MAST2: variants seen among roughly 807,000 people sequenced by gnomAD.
The protein encoded by MAST2 is microtubule-associated serine/threonine-protein kinase 2.
In MAST2, 70 loss-of-function variants were observed where a neutral mutation model predicts 147.4. The ratio of observed to expected loss-of-function variants is 0.47; its 90% confidence interval spans 0.39 to 0.58. The LOEUF (loss-of-function observed/expected upper bound fraction) is 0.58, where lower values mean the gene tolerates loss of function less well. Among genes scored for constraint, MAST2 ranks in the 20% least tolerant of loss-of-function variants. MAST2 has a pLI of 0.00. For missense variants in MAST2, 2,080 were observed against 2,302.3 expected, an observed-to-expected ratio of 0.90 and a Z score of 1.98; for synonymous variants, 869 against 896.8, an observed-to-expected ratio of 0.97 and a Z score of 0.55.
At chr1:45,878,613 A>G (rs963770874) in intron 3 of MAST2, among the ~76,000 whole-genome samples, 1 of 152,152 alleles carries the variant, frequency 6.6e-6, no homozygotes, top group Non-Finnish European at 1.5e-5. Context: ...AATCTAAGGA[A>G]TGTACAAAAC....
At chr1:46,030,069 G>A in intron 20 of MAST2, 60 bp from the exon 21 acceptor site, 1 of 1,605,806 alleles carries the variant, frequency 6.2e-7, no homozygotes, top group East Asian at 2.2e-5. Context: ...AAATCTAATG[G>A]GGTCACAAGG....
intron 3 of MAST2, among the ~76,000 whole-genome samples, chr1:45,842,034 A>G (rs1012936399): frequency 1.1e-4 from 16 of 152,280 alleles, no homozygotes; most frequent in African/African-American, 3.1e-4. Context: ...TTACTTTTCA[A>G]TTTTTCAGAT....
chr1:46,025,937 G>A (rs1283899193), intron 16 of MAST2, 122 bp downstream of exon 16: 8 of 1,276,798 alleles, frequency 6.3e-6, no homozygotes, highest in Non-Finnish European at 5.6e-6. Flanking sequence ...GCTCCTGTGT[G>A]TGTCCATCTG....
At chr1:46,029,375 C>A in intron 18 of MAST2, 91 bp from the exon 19 acceptor site, 1 of 1,094,822 alleles carries the variant, frequency 9.1e-7, no homozygotes, top group Non-Finnish European at 1.3e-6. Flanking sequence ...TCCTTTTTGC[C>A]TCCTTTCCTT....
chr1:45,977,301 G>T (rs568163174), intron 5 of MAST2, among the ~76,000 whole-genome samples: 49 of 150,918 alleles, frequency 3.2e-4, no homozygotes, highest in Non-Finnish European at 4.7e-4. Flanking sequence ...CAGCCTGGCT[G>T]ACATGGTGAA....
intron 3 of MAST2, among the ~76,000 whole-genome samples, chr1:45,875,584 C>G (rs1319406415): frequency 6.6e-6 from 1 of 151,902 alleles, no homozygotes; most frequent in Non-Finnish European, 1.5e-5. Flanking sequence ...GAAAGGGAGA[C>G]CAATTAGGAG....
rs200546761 is a variant in MAST2 at position 46,023,324 on chromosome 1, G to C, written c.1571+6G>C. The stretch of plus-strand genomic sequence containing the variant: ...ATCAGCAATGGCGCCTATGGGTAAA[G>C]GCAGGGGTCAGGGTGTGGCCAGGAC... On this transcript the variant is annotated splice_donor_region_variant and intron_variant, in intron 14 of 28. Transcript: ENST00000361297. This position sits in a 1 kb window ranked among gnomAD's most constrained non-coding sequence, Gnocchi z 4.9. 1.1e-3 allele frequency: 1,733 copies of C among 1,613,726 alleles called. 19 individuals are homozygous for C. The South Asian group carries it at 0.014, about 13-fold the overall frequency.
In MAST2 at chr1:46,035,371, C is replaced by A; in HGVS notation, c.4702C>A (p.Leu1568Met). The A allele has an allele frequency of 6.2e-7, 1 of 1,613,202 alleles. No homozygotes were observed. The highest frequency in any genetic ancestry group is 8.5e-7 in the Non-Finnish European group (1 of 1,179,678). ...CCCAAGCCTATTGACAGGGATCACACTGGGGCCTCCCAGAATGGAAAGTCC... is the reference window on the plus strand; with the variant it reads ...CCCAAGCCTATTGACAGGGATCACAATGGGGCCTCCCAGAATGGAAAGTCC... ...MVPSLLTGIT[L>M]GPPRMESPSG... The change falls in exon 29 of 29, where the codon CTG (leucine) becomes ATG (methionine). Residue 1568 changes from leucine (L) to methionine (M), a missense_variant. Transcript: ENST00000361297. The surrounding 1 kb of genome is among the most constrained non-coding windows in gnomAD (Gnocchi z 5.5).
rs574543167 is a variant in MAST2, at chr1:45,899,715, G to T, written c.500+17320G>T. 2.0e-5 allele frequency among the ~76,000 whole-genome samples: 3 copies of T among 152,060 alleles called. No homozygotes were observed. The East Asian group carries it at 5.8e-4, about 29-fold the overall frequency. ...TCTTTATCCAATCTACTGATGGTGG[G>T]CACCTAGGTTGATTTCATGAATTTG... is the stretch of plus-strand genomic sequence containing the variant. On this transcript the variant is annotated intron_variant, in intron 4 of 28. Transcript: ENST00000361297.
At chr1:45,855,628 G>A (rs757809755) in intron 3 of MAST2, among the ~76,000 whole-genome samples, 4 of 151,676 alleles carry the variant, frequency 2.6e-5, no homozygotes, top group Non-Finnish European at 4.4e-5. Context: ...AAATGATGTT[G>A]TATTTTAAAT....
intron 3 of MAST2, among the ~76,000 whole-genome samples, chr1:45,872,911 T>C (rs191564614): frequency 6.6e-6 from 1 of 152,356 alleles, no homozygotes; most frequent in East Asian, 1.9e-4. Flanking sequence ...GAATATAGTT[T>C]AATATCTTTT....
At chr1:45,900,782 T>C (rs972021999) in intron 4 of MAST2, among the ~76,000 whole-genome samples, 3 of 152,066 alleles carry the variant, frequency 2.0e-5, no homozygotes, top group Non-Finnish European at 4.4e-5. Context: ...GATATTTTTT[T>C]CATGAGTTTG....
At chr1:45,872,543 C>T (rs186271142) in intron 3 of MAST2, among the ~76,000 whole-genome samples, 156 of 150,032 alleles carry the variant, frequency 1.0e-3, no homozygotes, top group South Asian at 2.3e-3. Context: ...TGCAATGGGG[C>T]AATCTCGGCT....
At chr1:45,853,585 C>G (rs1262463843) in intron 3 of MAST2, among the ~76,000 whole-genome samples, 1 of 152,068 alleles carries the variant, frequency 6.6e-6, no homozygotes. Context: ...AACTCCTGAC[C>G]TCAAGTGATC....
Position 46,023,088 on chromosome 1 carries a change from C to A in MAST2, c.1485+117C>A. 8.3e-7 allele frequency: 1 copy of A among 1,208,056 alleles called. No homozygotes were observed. The highest frequency in any genetic ancestry group is 1.2e-6 in the Non-Finnish European group (1 of 817,972). 74.8% of individuals were successfully genotyped at this position (1,208,056 alleles called of 1,614,324 possible). A position where few individuals can be genotyped will look rare whatever the true frequency, so the allele number is the denominator to read the frequency against. On this transcript the variant is annotated intron_variant, in intron 13 of 28. Transcript: ENST00000361297. This position sits in a 1 kb window ranked among gnomAD's most constrained non-coding sequence, Gnocchi z 4.9. ...GGATGGGGGAGTTGGTGACAGCAAACACTGAGAAGTCATTCTACTCCCAGA... is the reference window on the plus strand; with the variant it reads ...GGATGGGGGAGTTGGTGACAGCAAAAACTGAGAAGTCATTCTACTCCCAGA...
At chr1:45,856,659 G>T (rs1421571720) in intron 3 of MAST2, among the ~76,000 whole-genome samples, 2 of 152,042 alleles carry the variant, frequency 1.3e-5, no homozygotes, top group Non-Finnish European at 2.9e-5. Context: ...TTTTAAGTTA[G>T]GAGAATTCTA....
At chr1:45,973,081 T>C (rs1643985755) in intron 5 of MAST2, among the ~76,000 whole-genome samples, 1 of 152,212 alleles carries the variant, frequency 6.6e-6, no homozygotes. Flanking sequence ...AAACTCTTCA[T>C]ACATTGCAAT....
intron 3 of MAST2, among the ~76,000 whole-genome samples, chr1:45,859,225 G>C (rs903602295): frequency 1.3e-5 from 2 of 152,166 alleles, no homozygotes; most frequent in African/African-American, 4.8e-5. Context: ...CTGATGAGTA[G>C]CTGGGACTAC....
intron 2 of MAST2, among the ~76,000 whole-genome samples, chr1:45,826,158 T>C (rs1298297246): frequency 6.6e-6 from 1 of 152,216 alleles, no homozygotes; most frequent in East Asian, 1.9e-4. Flanking sequence ...TTCAGTGTTT[T>C]GTTCTAAAAT....
Sources: gnomAD v4.1 joint callset for allele counts (sites outside exome capture counted in the v4.1 genomes callset) on GRCh38, gnomAD v4.1.1 for gene constraint, Gnocchi (gnomAD v3.1) non-coding constraint, MANE v1.5 for transcripts, NCBI Gene and HGNC (gene_info 2026-07-23, HGNC 2026-07-21) for gene names.